The following SLC44A5 variants were observed in gnomAD, a reference collection of about 807,000 sequenced individuals.
SLC44A5 encodes choline transporter-like protein 5.
In SLC44A5, 57 loss-of-function variants were observed where a neutral mutation model predicts 101.8. That is an observed-to-expected ratio of 0.56 (90% CI 0.45 to 0.70). SLC44A5 has a LOEUF of 0.70. Ranked by LOEUF, SLC44A5 falls within the 30% of genes least tolerant of loss-of-function variation. The pLI, the probability that SLC44A5 is intolerant of heterozygous loss-of-function variation, is 0.00. For missense variants in SLC44A5, 737 were observed against 853.1 expected (o/e 0.86, Z 1.70); for synonymous variants, 281 against 290.9 (o/e 0.97, Z 0.35).
intron 12 of SLC44A5, among the ~76,000 whole-genome samples, chr1:75,231,152 A>C (rs1647524641): frequency 6.6e-6 from 1 of 152,130 alleles, no homozygotes; most frequent in African/African-American, 2.4e-5. Flanking sequence ...GGGTCATTTT[A>C]GACATTTCTA....
chr1:75,520,009 C>A (rs1275209415), intron 2 of SLC44A5, among the ~76,000 whole-genome samples: 2 of 152,198 alleles, frequency 1.3e-5, no homozygotes, highest in African/African-American at 4.8e-5. Context: ...TCATAAAGGT[C>A]ATTTTTTAAA....
intron 4 of SLC44A5, among the ~76,000 whole-genome samples, chr1:75,332,950 TTCTTGTTGAA>T (rs1469381407): frequency 6.6e-6 from 1 of 152,196 alleles, no homozygotes; most frequent in Non-Finnish European, 1.5e-5. Context: ...TCATATTTGC[TTCTTGTTGAA>T]TTAATTGGTA....
rs140916678 is a variant in SLC44A5 at position 75,550,659 on chromosome 1, A to G, written c.-69-9143T>C. 5.7e-3 allele frequency among the ~76,000 whole-genome samples: 867 copies of G among 152,262 alleles called. 15 individuals are homozygous for G. The highest frequency in any genetic ancestry group is 0.035 in the Admixed American group (532 of 15,266). ...GGGAGTAATCTCCATACATGGACAA[A>G]AGCAGTAACAGCAGAGACCAAGAAA... On this transcript the variant is annotated intron_variant, in intron 1 of 23. Transcript: ENST00000370859.
intron 12 of SLC44A5, among the ~76,000 whole-genome samples, chr1:75,229,278 C>T (rs1271853663): frequency 6.6e-6 from 1 of 152,078 alleles, no homozygotes; most frequent in Admixed American, 6.6e-5. Context: ...CTAGGGCAAT[C>T]ATTATATCTC....
At chr1:75,682,389 A>T in the SLC44A5 span, among the ~76,000 whole-genome samples, 1 of 151,972 alleles carries the variant, frequency 6.6e-6, no homozygotes, top group East Asian at 1.9e-4. Flanking sequence ...ACAGCATGGT[A>T]CTGGTACCAA....
intron 2 of SLC44A5, among the ~76,000 whole-genome samples, chr1:75,508,970 A>C (rs185376364): frequency 6.6e-6 from 1 of 152,336 alleles, no homozygotes; most frequent in Admixed American, 6.5e-5. Context: ...TTTTTCTAGA[A>C]TTAAAAGGAA....
At chr1:75,691,015 G>A in the SLC44A5 span, among the ~76,000 whole-genome samples, 5 of 151,782 alleles carry the variant, frequency 3.3e-5, no homozygotes, top group Non-Finnish European at 5.9e-5. Flanking sequence ...AACCCATAAA[G>A]GTGGAGGCCC....
At chr1:75,355,717 C>T (rs1425170542) in intron 3 of SLC44A5, among the ~76,000 whole-genome samples, 1 of 152,116 alleles carries the variant, frequency 6.6e-6, no homozygotes, top group Non-Finnish European at 1.5e-5. Flanking sequence ...TAGCACAAAG[C>T]ATTACTCATG....
At chr1:75,701,706 G>A in the SLC44A5 span, among the ~76,000 whole-genome samples, 1 of 152,146 alleles carries the variant, frequency 6.6e-6, no homozygotes, top group East Asian at 1.9e-4. Flanking sequence ...AGGAAAAGAG[G>A]AAGTCAAATT....
At chr1:75,390,019 C>T (rs554011372) in intron 3 of SLC44A5, among the ~76,000 whole-genome samples, 16 of 152,148 alleles carry the variant, frequency 1.1e-4, no homozygotes, top group Admixed American at 3.3e-4. Context: ...ACAAAAGATC[C>T]TCAGAGACAA....
chr1:75,358,003 T>TAC (rs145085735), intron 3 of SLC44A5, among the ~76,000 whole-genome samples: 29,211 of 138,982 alleles, frequency 0.21, 2,920 homozygotes, highest in Non-Finnish European at 0.23. Flanking sequence ...CAATGTCACT[T>TAC]ACACACACAC....
chr1:75,443,877 A>G (rs542402429), intron 2 of SLC44A5, among the ~76,000 whole-genome samples: 33 of 152,240 alleles, frequency 2.2e-4, no homozygotes, highest in African/African-American at 7.5e-4. Flanking sequence ...TGAAAAGACC[A>G]TTTAAAAATA....
the SLC44A5 span, among the ~76,000 whole-genome samples, chr1:75,714,855 G>A: frequency 6.6e-6 from 1 of 152,080 alleles, no homozygotes; most frequent in Non-Finnish European, 1.5e-5. Context: ...TGTATTTTTA[G>A]TAGAGACAAG....
intron 2 of SLC44A5, among the ~76,000 whole-genome samples, chr1:75,476,535 G>A (rs1002769518): frequency 6.6e-6 from 1 of 152,158 alleles, no homozygotes; most frequent in Non-Finnish European, 1.5e-5. Flanking sequence ...GGAAAATCAG[G>A]TCACTCCCAC....
At chr1:75,443,336 G>A (rs1462471472) in intron 2 of SLC44A5, among the ~76,000 whole-genome samples, 1 of 151,586 alleles carries the variant, frequency 6.6e-6, no homozygotes, top group Admixed American at 6.6e-5. Context: ...GCCTCAGAAA[G>A]ACTAAAAGCT....
chr1:75,225,201 C>A (rs1386131732), intron 13 of SLC44A5, among the ~76,000 whole-genome samples: 1 of 152,182 alleles, frequency 6.6e-6, no homozygotes, highest in Non-Finnish European at 1.5e-5. Flanking sequence ...GATATACAAA[C>A]TCCTGCCATT....
chr1:75,372,172 G>A (rs1191982730), intron 3 of SLC44A5, among the ~76,000 whole-genome samples: 1 of 147,992 alleles, frequency 6.8e-6, no homozygotes, highest in Non-Finnish European at 1.5e-5. Context: ...ACTCTAAACT[G>A]GGTGACAGAG....
At chr1:75,650,377 T>A in the SLC44A5 span, among the ~76,000 whole-genome samples, 74,729 of 152,040 alleles carry the variant, frequency 0.49, 19,617 homozygotes, top group East Asian at 0.93. Context: ...ACTGAAAACC[T>A]TTATTTTGGG....
chr1:75,302,112 G>GTTTTTTT (rs10684140), intron 4 of SLC44A5, among the ~76,000 whole-genome samples: 634 of 60,132 alleles, frequency 0.011, 96 homozygotes, highest in Middle Eastern at 0.048. Context: ...TAGTTTTTTT[G>GTTTTTTT]TTTTTTTTTT....
Sources: gnomAD v4.1 joint callset for allele counts (sites outside exome capture counted in the v4.1 genomes callset) on GRCh38, gnomAD v4.1.1 for gene constraint, MANE v1.5 for transcripts, NCBI Gene and HGNC (gene_info 2026-07-23, HGNC 2026-07-21) for gene names.